Variants in SUGCT observed in about 807,000 individuals in gnomAD.
The protein encoded by SUGCT is succinyl-CoA:glutarate-CoA transferase.
Under a neutral mutation model 55.0 loss-of-function variants are expected in SUGCT, and 41 were observed. The observed-to-expected ratio is 0.74, with a 90% CI of 0.58 to 0.97. The LOEUF is 0.97. Among genes scored for constraint, SUGCT ranks in the 50% least tolerant of loss-of-function variants. The probability of loss-of-function intolerance (pLI) is 0.00; values close to 1 mark genes in which losing one functional copy is unlikely to be tolerated. For synonymous variants in SUGCT, 187 were observed against 200.4 expected (o/e 0.93, Z 0.56); for missense variants, 568 against 547.8 (o/e 1.04, Z -0.37).
rs903787265 is a variant in SUGCT, at chr7:40,155,058, G to A, written c.100+19938G>A. Among the ~76,000 whole-genome samples the A allele has an allele frequency of 9.9e-5, 15 of 152,270 alleles. No individual in the cohort carries two copies. The South Asian group carries it at 1.5e-3, about 15-fold the overall frequency. On this transcript the variant is annotated intron_variant, in intron 1 of 13. Coordinates refer to ENST00000335693, the MANE Select transcript of SUGCT (RefSeq NM_001193313.2). ...TCCCATAACTTTGGGAGGCCGAGGT[G>A]GGTGATCACCTGAGGTCAGGAGTTG...
intron 6 of SUGCT, among the ~76,000 whole-genome samples, chr7:40,196,907 T>C (rs1004019271): frequency 6.6e-6 from 1 of 152,164 alleles, no homozygotes; most frequent in Non-Finnish European, 1.5e-5. Flanking sequence ...CAATCTCAGC[T>C]CACTGCAACC....
At chr7:40,701,143 G>A (rs1441041408) in intron 12 of SUGCT, among the ~76,000 whole-genome samples, 1 of 152,202 alleles carries the variant, frequency 6.6e-6, no homozygotes, top group Admixed American at 6.5e-5. Flanking sequence ...TAAATGTGAA[G>A]ACAGGAAACG....
At chr7:40,220,891 C>T (rs1787981466) in intron 6 of SUGCT, among the ~76,000 whole-genome samples, 1 of 152,064 alleles carries the variant, frequency 6.6e-6, no homozygotes, top group Non-Finnish European at 1.5e-5. Context: ...TAGCTTAGCT[C>T]AAACAATGAG....
In SUGCT at chr7:40,145,401, C is replaced by T. The variant is rs562990394; in HGVS notation, c.100+10281C>T. On this transcript the variant is annotated intron_variant, in intron 1 of 13. Transcript: ENST00000335693. ...TCACAGACAATTCTTTGACATGCCT[C>T]AGCTTTCTCACTTGTTGCAACATCC... 9.9e-5 allele frequency among the ~76,000 whole-genome samples: 15 copies of T among 152,044 alleles called. No individual in the cohort carries two copies. In the South Asian group the frequency reaches 1.9e-3, roughly 19 times the overall value.
At chr7:40,975,044 T>A in the SUGCT span, among the ~76,000 whole-genome samples, 17 of 152,298 alleles carry the variant, frequency 1.1e-4, no homozygotes, top group East Asian at 3.3e-3. Context: ...ATAGGCTAAG[T>A]GAGTGAACAA....
chr7:41,006,797 T>G, the SUGCT span, among the ~76,000 whole-genome samples: 1 of 152,216 alleles, frequency 6.6e-6, no homozygotes, highest in Non-Finnish European at 1.5e-5. Context: ...ACCCTTCTCC[T>G]TCTTGACTTT....
At chr7:40,487,627 T>A (rs902495228) in intron 11 of SUGCT, among the ~76,000 whole-genome samples, 1 of 152,152 alleles carries the variant, frequency 6.6e-6, no homozygotes, top group East Asian at 1.9e-4. Context: ...TTTACTACTA[T>A]TGTATTGCCG....
Position 40,296,612 on chromosome 7 carries a change from C to CGTGTGTGTGTGT in SUGCT, c.721-20117_721-20106dup, listed in dbSNP as rs10528858. 2.3e-3 allele frequency among the ~76,000 whole-genome samples: 337 copies of CGTGTGTGTGTGT among 144,802 alleles called. 1 individual carries two copies. The highest frequency in any genetic ancestry group is 2.6e-3 in the African/African-American group (99 of 38,582). 95.0% of individuals were successfully genotyped at this position (144,802 alleles called of 152,430 possible). On this transcript the variant is annotated intron_variant, in intron 8 of 13. Coordinates refer to ENST00000335693, the MANE Select transcript of SUGCT (RefSeq NM_001193313.2). ...AGGGAGAGAGACAGAGTGAGTGACT[C>CGTGTGTGTGTGT]GTGTGTGTGTGTGTGTGTGTGTGTG... is the stretch of plus-strand genomic sequence containing the variant.
the SUGCT span, among the ~76,000 whole-genome samples, chr7:40,941,055 T>C: frequency 1.1e-4 from 17 of 152,148 alleles, no homozygotes; most frequent in South Asian, 1.2e-3. Flanking sequence ...TTTCTATGCT[T>C]ATTTTGTTGA....
chr7:41,034,681 G>A, the SUGCT span, among the ~76,000 whole-genome samples: 1 of 152,156 alleles, frequency 6.6e-6, no homozygotes, highest in Non-Finnish European at 1.5e-5. Flanking sequence ...TAAAGCAGCA[G>A]CCACATTCTT....
At chr7:40,898,570 A>C in the SUGCT span, among the ~76,000 whole-genome samples, 2 of 151,488 alleles carry the variant, frequency 1.3e-5, no homozygotes, top group South Asian at 4.2e-4. Flanking sequence ...AAAAATACAA[A>C]AAATTATTTT....
chr7:40,979,724 C>A, the SUGCT span: 1 of 152,188 alleles, frequency 6.6e-6, no homozygotes, highest in African/African-American at 2.4e-5. Context: ...ATCCAAGCAC[C>A]TGGAACCTGA....
At chr7:40,298,709 T>G (rs1156379872) in intron 8 of SUGCT, among the ~76,000 whole-genome samples, 1 of 152,148 alleles carries the variant, frequency 6.6e-6, no homozygotes, top group African/African-American at 2.4e-5. Context: ...AATACTCATT[T>G]AATCAGAGGT....
intron 13 of SUGCT, among the ~76,000 whole-genome samples, chr7:40,772,656 G>T (rs889483950): frequency 7.4e-6 from 1 of 135,456 alleles, no homozygotes; most frequent in Non-Finnish European, 1.6e-5. Flanking sequence ...TTGAGACAGG[G>T]TCTCACTCTG....
At chr7:40,873,213 A>G in the SUGCT span, among the ~76,000 whole-genome samples, 11 of 152,250 alleles carry the variant, frequency 7.2e-5, no homozygotes, top group African/African-American at 2.7e-4. Flanking sequence ...GAGGACCAAA[A>G]AACTTACCAA....
At chr7:40,295,387 C>T (rs1794065199) in intron 8 of SUGCT, among the ~76,000 whole-genome samples, 1 of 152,108 alleles carries the variant, frequency 6.6e-6, no homozygotes, top group South Asian at 2.1e-4. Flanking sequence ...ACCAGCCTGA[C>T]CAGCATGGTG....
intron 12 of SUGCT, among the ~76,000 whole-genome samples, chr7:40,597,305 ATTG>A (rs1204341737): frequency 2.0e-4 from 30 of 152,318 alleles, no homozygotes; most frequent in African/African-American, 7.0e-4. Context: ...GAACTGTGCA[ATTG>A]TTGTACAACT....
intron 1 of SUGCT, among the ~76,000 whole-genome samples, chr7:40,173,292 G>T (rs1167806006): frequency 1.3e-5 from 2 of 152,250 alleles, no homozygotes; most frequent in Admixed American, 1.3e-4. Context: ...AGCAATGGGT[G>T]CCTCACTGGA....
intron 12 of SUGCT, among the ~76,000 whole-genome samples, chr7:40,708,610 G>A (rs980106977): frequency 2.0e-5 from 3 of 152,028 alleles, no homozygotes; most frequent in African/African-American, 7.2e-5. Context: ...TGTGATCAGG[G>A]GCCTGGCTAC....
Sources: gnomAD v4.1 joint callset for allele counts (sites outside exome capture counted in the v4.1 genomes callset) on GRCh38, gnomAD v4.1.1 for gene constraint, MANE v1.5 for transcripts, NCBI Gene and HGNC (gene_info 2026-07-23, HGNC 2026-07-21) for gene names.